GPR158: variants seen among roughly 807,000 people sequenced by gnomAD.
GPR158 encodes G protein-coupled receptor 158, also known as metabotropic glycine receptor.
A neutral mutation model predicts 78.2 loss-of-function variants in GPR158; 30 were observed. The ratio of observed to expected loss-of-function variants is 0.38; its 90% CI spans 0.29 to 0.52. The LOEUF is 0.52. Ranked by LOEUF, GPR158 falls within the 20% of genes least tolerant of loss-of-function variation. The pLI, the probability that GPR158 is intolerant of heterozygous loss-of-function variation, is 0.83. For synonymous variants in GPR158, 581 were observed against 591.1 expected (o/e 0.98, Z 0.25); for missense variants, 1,463 against 1,523.5 (o/e 0.96, Z 0.66).
chr10:25,465,853 G>A (rs1835414411), intron 4 of GPR158, among the ~76,000 whole-genome samples: 1 of 152,150 alleles, frequency 6.6e-6, no homozygotes, highest in African/African-American at 2.4e-5. Context: ...TGTAAATTTC[G>A]TGGATTGAAA....
At chr10:25,417,166 G>A (rs1834674966) in intron 4 of GPR158, among the ~76,000 whole-genome samples, 1 of 152,158 alleles carries the variant, frequency 6.6e-6, no homozygotes, top group African/African-American at 2.4e-5. Flanking sequence ...GTAAAATGTA[G>A]TGAATGATGA....
chr10:25,283,011 G>A (rs1854298855), intron 2 of GPR158, among the ~76,000 whole-genome samples: 1 of 151,966 alleles, frequency 6.6e-6, no homozygotes. Flanking sequence ...TCACAATAAT[G>A]CTGACCTCAT....
At chr10:25,443,510 G>A (rs563223480) in intron 4 of GPR158, among the ~76,000 whole-genome samples, 16 of 149,944 alleles carry the variant, frequency 1.1e-4, no homozygotes, top group East Asian at 5.9e-4. Flanking sequence ...AGCCAAGTTC[G>A]GACCACTGCA....
chr10:25,573,640 A>G (rs1451948226), intron 7 of GPR158, among the ~76,000 whole-genome samples: 1 of 152,250 alleles, frequency 6.6e-6, no homozygotes, highest in Non-Finnish European at 1.5e-5. Context: ...CAAAAGGGAT[A>G]TTTTATTGTT....
Position 25,602,215 on chromosome 10 carries a change from C to A in GPR158, c.*2941C>A, listed in dbSNP as rs1273778665. The A allele has an allele frequency of 6.6e-6, 1 of 152,564 alleles. No homozygotes were observed. The highest frequency in any genetic ancestry group is 2.4e-5 in the African/African-American group (1 of 41,448). The allele number at this position is 152,564 out of a possible 1,614,324, so 9.5% of individuals were successfully genotyped here. ...TAATTATAACTTCTCTGCAATAAAA[C>A]ATATTTATATGAAAGTGATTTGTGG... On this transcript the variant is annotated 3_prime_UTR_variant, in exon 11 of 11. Coordinates refer to ENST00000376351, the MANE Select transcript of GPR158 (RefSeq NM_020752.3).
At chr10:25,343,040 A>T (rs1478241983) in intron 2 of GPR158, among the ~76,000 whole-genome samples, 1 of 152,010 alleles carries the variant, frequency 6.6e-6, no homozygotes, top group African/African-American at 2.4e-5. Flanking sequence ...TGATTTGAGT[A>T]AACAGAGACT....
chr10:25,250,860 G>T (rs924865608), intron 2 of GPR158, among the ~76,000 whole-genome samples: 1 of 151,150 alleles, frequency 6.6e-6, no homozygotes, highest in Non-Finnish European at 1.5e-5. Flanking sequence ...TCAGTTCCTG[G>T]GTATCCTTGT....
chr10:25,366,756 C>T (rs1855730042), intron 2 of GPR158, among the ~76,000 whole-genome samples: 1 of 151,638 alleles, frequency 6.6e-6, no homozygotes, highest in Non-Finnish European at 1.5e-5. Context: ...CTGGTAATCA[C>T]CATTCTACTC....
intron 4 of GPR158, among the ~76,000 whole-genome samples, chr10:25,444,817 T>C (rs982514220): frequency 6.6e-6 from 1 of 152,162 alleles, no homozygotes; most frequent in African/African-American, 2.4e-5. Flanking sequence ...AGCATCATAA[T>C]TTTGATGTAC....
At chr10:25,506,104 G>T (rs962120839) in intron 5 of GPR158, among the ~76,000 whole-genome samples, 2 of 152,206 alleles carry the variant, frequency 1.3e-5, no homozygotes, top group African/African-American at 4.8e-5. Flanking sequence ...GGTTCTGGCT[G>T]TAGCACACAA....
intron 4 of GPR158, among the ~76,000 whole-genome samples, chr10:25,455,009 T>C (rs770551331): frequency 1.1e-4 from 16 of 152,210 alleles, no homozygotes; most frequent in Non-Finnish European, 2.4e-4. Context: ...AAGTTAAACA[T>C]GAATATTTCA....
At chr10:25,226,457 A>G (rs1853374161) in intron 2 of GPR158, among the ~76,000 whole-genome samples, 1 of 152,230 alleles carries the variant, frequency 6.6e-6, no homozygotes, top group Non-Finnish European at 1.5e-5. Flanking sequence ...CAAACTTAAA[A>G]TGAGTTTTGG....
At chr10:25,583,169 C>G (rs1837225232) in intron 7 of GPR158, among the ~76,000 whole-genome samples, 1 of 152,074 alleles carries the variant, frequency 6.6e-6, no homozygotes, top group African/African-American at 2.4e-5. Flanking sequence ...GAACACATAC[C>G]CAGCCTCCAT....
chr10:25,372,012 CAAAA>C (rs1834000952), intron 2 of GPR158, among the ~76,000 whole-genome samples: 2 of 151,496 alleles, frequency 1.3e-5, no homozygotes, highest in Non-Finnish European at 2.9e-5. Flanking sequence ...ATTTACAAGA[CAAAA>C]ACAAACAACC....
At position 25,366,295 on chromosome 10, in the gene GPR158, A is replaced by G. The variant is rs115170614; in HGVS notation, c.1009-29616A>G. Among the ~76,000 whole-genome samples the G allele has an allele frequency of 6.7e-3, 1,015 of 151,754 alleles. 13 individuals carry two copies. Among genetic ancestry groups the G allele is most frequent in the African/African-American group, 0.023 (965 of 41,490 alleles). On this transcript the variant is annotated intron_variant, in intron 2 of 10. Coordinates refer to ENST00000376351, the MANE Select transcript of GPR158 (RefSeq NM_020752.3). ...ATAGGATGTGTTATTTTCAAATTTA[A>G]TAGATAATTCCAAACCTATATCCAG...
intron 5 of GPR158, among the ~76,000 whole-genome samples, chr10:25,543,107 CTTTTTAT>C (rs756046492): frequency 1.3e-5 from 2 of 151,996 alleles, no homozygotes; most frequent in Non-Finnish European, 2.9e-5. Context: ...CACAGCAATA[CTTTTTAT>C]TTTTTATTTT....
chr10:25,329,346 A>G (rs1287821050), intron 2 of GPR158, among the ~76,000 whole-genome samples: 1 of 151,920 alleles, frequency 6.6e-6, no homozygotes, highest in Non-Finnish European at 1.5e-5. Flanking sequence ...AGGCTGAGGC[A>G]GGAGAATGGC....
chr10:25,224,598 T>C (rs1853348157), intron 2 of GPR158, among the ~76,000 whole-genome samples: 1 of 152,028 alleles, frequency 6.6e-6, no homozygotes, highest in Admixed American at 6.6e-5. Flanking sequence ...TTTTTGAAAA[T>C]CTTAGTTTAA....
intron 2 of GPR158, among the ~76,000 whole-genome samples, chr10:25,225,423 G>GT (rs1231017665): frequency 1.3e-5 from 2 of 152,058 alleles, no homozygotes; most frequent in Non-Finnish European, 2.9e-5. Flanking sequence ...CCAGTGACCA[G>GT]TGTCAATGTT....
Sources: allele counts gnomAD v4.1 joint callset (sites outside exome capture counted in the v4.1 genomes callset), GRCh38; gene constraint gnomAD v4.1.1; transcripts MANE v1.5; gene names NCBI Gene and HGNC (gene_info 2026-07-23, HGNC 2026-07-21).